Variants in LUZP2 observed in about 807,000 individuals in gnomAD.
LUZP2 encodes the protein leucine zipper protein 2.
In LUZP2, 52 loss-of-function variants were observed where a neutral mutation model predicts 51.6. The ratio of observed to expected loss-of-function variants is 1.01; its 90% CI spans 0.81 to 1.27. The LOEUF (loss-of-function observed/expected upper bound fraction) is 1.27, where lower values mean the gene tolerates loss of function less well. LUZP2 is among the 50% of genes most tolerant of loss of function. The pLI, the probability that LUZP2 is intolerant of heterozygous loss-of-function variation, is 0.00. For missense variants in LUZP2, 436 were observed against 395.4 expected (o/e 1.10, Z -0.87); for synonymous variants, 154 against 137.3 (o/e 1.12, Z -0.85).
intron 3 of LUZP2, 52 bp from the exon 4 acceptor site, chr11:24,738,169 A>G: frequency 7.9e-7 from 1 of 1,259,490 alleles, no homozygotes; most frequent in Non-Finnish European, 1.1e-6. Flanking sequence ...TTCATAGGAA[A>G]TAATGGAATT....
chr11:24,718,839 C>G (rs902254906), intron 1 of LUZP2, among the ~76,000 whole-genome samples: 1 of 152,126 alleles, frequency 6.6e-6, no homozygotes, highest in Non-Finnish European at 1.5e-5. Flanking sequence ...CAGTGTACAA[C>G]GGTGTGTGGG....
chr11:24,590,178 T>G (rs1366381843), intron 1 of LUZP2, among the ~76,000 whole-genome samples: 1 of 152,304 alleles, frequency 6.6e-6, no homozygotes. Flanking sequence ...GAATCAACAC[T>G]TAAAGGTGCA....
intron 8 of LUZP2, among the ~76,000 whole-genome samples, chr11:24,980,219 A>C (rs1244514944): frequency 6.6e-6 from 1 of 151,744 alleles, no homozygotes; most frequent in African/African-American, 2.4e-5. Context: ...TCATTTATGT[A>C]GAGTTTAGAT....
intron 9 of LUZP2, among the ~76,000 whole-genome samples, chr11:24,989,032 C>G (rs1283063632): frequency 6.6e-6 from 1 of 150,496 alleles, no homozygotes; most frequent in East Asian, 2.0e-4. Flanking sequence ...CAGTGCAGAT[C>G]TGATCATTCT....
chr11:24,580,114 A>G (rs1393012061), intron 1 of LUZP2, among the ~76,000 whole-genome samples: 1 of 152,146 alleles, frequency 6.6e-6, no homozygotes, highest in Non-Finnish European at 1.5e-5. Context: ...TCTGTTTAAT[A>G]GGATTAAGAT....
intron 7 of LUZP2, among the ~76,000 whole-genome samples, chr11:24,956,459 G>A (rs1434157245): frequency 2.0e-5 from 3 of 152,092 alleles, no homozygotes; most frequent in Non-Finnish European, 4.4e-5. Flanking sequence ...AGCAGCCATA[G>A]GAAACTAATA....
intron 7 of LUZP2, among the ~76,000 whole-genome samples, chr11:24,947,675 C>T (rs1046768969): frequency 7.9e-5 from 12 of 151,800 alleles, no homozygotes; most frequent in Non-Finnish European, 1.3e-4. Context: ...AGTGTTTGTT[C>T]ATCTGGTAAT....
chr11:24,958,200 C>T (rs1219310060), intron 7 of LUZP2, among the ~76,000 whole-genome samples: 7 of 152,236 alleles, frequency 4.6e-5, no homozygotes, highest in South Asian at 2.1e-4. Context: ...GTGAATAGTG[C>T]CACAATAAAC....
rs774161170 is a variant in LUZP2, at chr11:24,983,281, G to A, written c.753G>A (p.Ala251=). Residue 251 remains alanine (A), a synonymous_variant, in exon 9 of 12, where the codon GCG becomes GCA. Transcript: ENST00000336930. ...RNIASKLPDA[A]AKSKPQQSAS... ...TTGCCTCTAAGCTTCCAGATGCAGCGGCCAAAAGCAAGGTACCTACCTTTT... is the reference window on the plus strand; with the variant it reads ...TTGCCTCTAAGCTTCCAGATGCAGCAGCCAAAAGCAAGGTACCTACCTTTT... The A allele has an allele frequency of 1.3e-5, 21 of 1,611,336 alleles. No individual in the cohort carries two copies. Among genetic ancestry groups the A allele is most frequent in the African/African-American group, 6.7e-5 (5 of 74,622 alleles).
intron 5 of LUZP2, among the ~76,000 whole-genome samples, chr11:24,837,723 G>GAT (rs1047562122): frequency 8.6e-5 from 13 of 151,748 alleles, no homozygotes; most frequent in African/African-American, 3.1e-4. Context: ...CTGTAAAATG[G>GAT]ATATATATTT....
intron 5 of LUZP2, among the ~76,000 whole-genome samples, chr11:24,777,234 C>G (rs373225870): frequency 6.6e-6 from 1 of 152,046 alleles, no homozygotes; most frequent in East Asian, 1.9e-4. Context: ...ACATTGTGAT[C>G]TGCCCGCCTC....
chr11:25,063,003 T>C (rs1402369401), intron 10 of LUZP2, among the ~76,000 whole-genome samples: 1 of 151,680 alleles, frequency 6.6e-6, no homozygotes, highest in East Asian at 1.9e-4. Context: ...TTTAGTTTTG[T>C]TTTAAATTTT....
At chr11:25,073,925 T>C (rs1859230260) in intron 10 of LUZP2, among the ~76,000 whole-genome samples, 1 of 152,132 alleles carries the variant, frequency 6.6e-6, no homozygotes, top group Admixed American at 6.6e-5. Context: ...ATTAATTCCA[T>C]AAAGAAGCAG....
chr11:24,600,958 C>A (rs1853614044), intron 1 of LUZP2, among the ~76,000 whole-genome samples: 2 of 152,036 alleles, frequency 1.3e-5, no homozygotes, highest in Non-Finnish European at 2.9e-5. Context: ...ACAGACTTCA[C>A]AAATGTAATT....
chr11:24,937,809 GAAA>G (rs922556745), intron 7 of LUZP2, among the ~76,000 whole-genome samples: 4 of 151,332 alleles, frequency 2.6e-5, no homozygotes, highest in Non-Finnish European at 5.9e-5. Context: ...GCTGAGGCAG[GAAA>G]ATGGTGTGAA....
At chr11:25,052,310 C>G (rs1301260442) in intron 10 of LUZP2, among the ~76,000 whole-genome samples, 1 of 152,190 alleles carries the variant, frequency 6.6e-6, no homozygotes, top group Non-Finnish European at 1.5e-5. Context: ...TACTTCTTAG[C>G]TCTGTCTCCA....
At chr11:24,955,257 G>A (rs1292059155) in intron 7 of LUZP2, among the ~76,000 whole-genome samples, 1 of 152,012 alleles carries the variant, frequency 6.6e-6, no homozygotes, top group African/African-American at 2.4e-5. Flanking sequence ...AGATAGGGAT[G>A]TTGCTTTATG....
chr11:24,622,866 T>C (rs1854545370), intron 1 of LUZP2, among the ~76,000 whole-genome samples: 1 of 152,192 alleles, frequency 6.6e-6, no homozygotes. Context: ...CCCATCTCTG[T>C]CCTCAAATAA....
intron 1 of LUZP2, among the ~76,000 whole-genome samples, chr11:24,509,397 T>C (rs1317994136): frequency 6.6e-6 from 1 of 151,314 alleles, no homozygotes; most frequent in Non-Finnish European, 1.5e-5. Flanking sequence ...TCGAAATTTG[T>C]ATCTAAAAAA....
Sources: gnomAD v4.1 joint callset for allele counts (sites outside exome capture counted in the v4.1 genomes callset) on GRCh38, gnomAD v4.1.1 for gene constraint, MANE v1.5 for transcripts, NCBI Gene and HGNC (gene_info 2026-07-23, HGNC 2026-07-21) for gene names.